The following ZRANB1 variants were observed in gnomAD, a reference collection of about 807,000 sequenced individuals.
ZRANB1 encodes the protein ubiquitin thioesterase ZRANB1.
Under a neutral mutation model 80.5 loss-of-function variants are expected in ZRANB1, and 16 were observed. The ratio of observed to expected loss-of-function variants is 0.20; its 90% confidence interval spans 0.13 to 0.30. ZRANB1 has a LOEUF of 0.30. Among genes scored for constraint, ZRANB1 ranks in the 10% least tolerant of loss-of-function variants. ZRANB1 has a pLI of 1.00. For missense variants in ZRANB1, 576 were observed against 862.6 expected, an observed-to-expected ratio of 0.67 and a Z score of 4.16; for synonymous variants, 291 against 293.1, an observed-to-expected ratio of 0.99 and a Z score of 0.07.
intron 1 of ZRANB1, among the ~76,000 whole-genome samples, chr10:124,964,540 A>G (rs575482775): frequency 6.6e-6 from 1 of 152,372 alleles, no homozygotes; most frequent in East Asian, 1.9e-4. Context: ...TCTTTGAGAA[A>G]TAAGAAATAA....
intron 1 of ZRANB1, among the ~76,000 whole-genome samples, chr10:124,963,537 GTTTTTTTTTTTTGTTTGTTTTTTTTTT>G (rs935756571): frequency 2.1e-5 from 2 of 93,476 alleles, no homozygotes; most frequent in East Asian, 3.0e-4. Context: ...ATATTGTAAG[GTTTTTTTTTTTTGTTTGTTTTTTTTTT>G]TTTTTTTTTT....
intron 1 of ZRANB1, among the ~76,000 whole-genome samples, chr10:124,948,108 C>G (rs892593713): frequency 6.6e-6 from 1 of 152,070 alleles, no homozygotes; most frequent in Non-Finnish European, 1.5e-5. Flanking sequence ...CCTGAGACAG[C>G]AAGAATAATG....
At chr10:124,919,109 A>G in the ZRANB1 span, among the ~76,000 whole-genome samples, 5 of 152,212 alleles carry the variant, frequency 3.3e-5, no homozygotes, top group African/African-American at 1.2e-4. Flanking sequence ...TGTCACATTT[A>G]AAGTCTGAGG....
chr10:124,917,181 TGCCGCCGCC>T, the ZRANB1 span: 2,169 of 168,474 alleles, frequency 0.013, 21 homozygotes, highest in Non-Finnish European at 0.018. Context: ...GAGTCGCCGC[TGCCGCCGCC>T]GCCGCCGCCG....
chr10:124,974,110 T>G, intron 4 of ZRANB1, 90 bp from the exon 5 acceptor site: 1 of 1,348,244 alleles, frequency 7.4e-7, no homozygotes, highest in Non-Finnish European at 1.0e-6. Flanking sequence ...TATAAACCAT[T>G]TTATAGCTAG....
At chr10:124,918,151 T>G in the ZRANB1 span, among the ~76,000 whole-genome samples, 3 of 152,344 alleles carry the variant, frequency 2.0e-5, no homozygotes, top group East Asian at 5.8e-4. Context: ...TTAATAAATC[T>G]AATGTGCAAA....
upstream of ZRANB1, chr10:124,940,531 TG>T (rs1427901883): frequency 7.8e-7 from 1 of 1,289,284 alleles, no homozygotes; most frequent in East Asian, 5.5e-5. Flanking sequence ...GGTTATAGCG[TG>T]GGAACTAAAA....
chr10:124,974,058 T>C, intron 4 of ZRANB1, 142 bp from the exon 5 acceptor site: 1 of 728,918 alleles, frequency 1.4e-6, no homozygotes, highest in Non-Finnish European at 2.2e-6. Context: ...AGTTTATATT[T>C]CAATTGGTCA....
chr10:124,930,098 A>C, the ZRANB1 span, among the ~76,000 whole-genome samples: 1 of 152,184 alleles, frequency 6.6e-6, no homozygotes, highest in Non-Finnish European at 1.5e-5. Context: ...TGGGTTTTGA[A>C]GTGATCAGTT....
rs1952082832 is a variant in ZRANB1 at position 124,987,457 on chromosome 10, T to TGACTC, written c.*2466_*2470dup. The TGACTC allele has an allele frequency of 6.6e-6, 1 of 152,190 alleles. No individual in the cohort carries two copies. Among genetic ancestry groups the TGACTC allele is most frequent in the Non-Finnish European group, 1.5e-5 (1 of 68,028 alleles). The allele number at this position is 152,190 out of a possible 1,614,324, so 9.4% of individuals were successfully genotyped here. ...ATTCAGACCTGCCTTTTTATGTTTTTGACTCTTAGGTTCATCGTGTCCCAG... is the reference window on the plus strand; with the variant it reads ...ATTCAGACCTGCCTTTTTATGTTTTTGACTCGACTCTTAGGTTCATCGTGTCCCAG... On this transcript the variant is annotated 3_prime_UTR_variant, in exon 9 of 9. Transcript: ENST00000359653.
the ZRANB1 span, among the ~76,000 whole-genome samples, chr10:124,935,659 G>T: frequency 6.6e-6 from 1 of 152,204 alleles, no homozygotes. Flanking sequence ...TGCCTGTTCA[G>T]TTGCTGCCAT....
chr10:124,936,351 G>A, the ZRANB1 span, among the ~76,000 whole-genome samples: 2 of 152,212 alleles, frequency 1.3e-5, no homozygotes, highest in Non-Finnish European at 2.9e-5. Flanking sequence ...TGAGAAGACA[G>A]TAATTAGATA....
At chr10:124,938,929 C>T (rs1951511534), upstream of ZRANB1, among the ~76,000 whole-genome samples, 1 of 151,960 alleles carries the variant, frequency 6.6e-6, no homozygotes, top group South Asian at 2.1e-4. Flanking sequence ...GTAATGCCAG[C>T]TCTTTGGGAC....
At chr10:124,948,099 CT>C (rs1231455694) in intron 1 of ZRANB1, among the ~76,000 whole-genome samples, 2 of 152,156 alleles carry the variant, frequency 1.3e-5, no homozygotes, top group African/African-American at 4.8e-5. Flanking sequence ...TCTGCCACCC[CT>C]GAGACAGCAA....
At chr10:124,924,165 A>G in the ZRANB1 span, among the ~76,000 whole-genome samples, 9,490 of 151,918 alleles carry the variant, frequency 0.062, 449 homozygotes, top group East Asian at 0.21. Context: ...TGGCCTCCCA[A>G]AGTGCTGGGA....
chr10:124,940,511 G>A, upstream of ZRANB1: 2 of 1,289,180 alleles, frequency 1.6e-6, no homozygotes, highest in South Asian at 1.2e-5. Context: ...CTAATCATGT[G>A]CAAGGTGGAG....
In ZRANB1 at chr10:124,983,734, C is replaced by A; in HGVS notation, c.1908+46C>A. 7.0e-7 allele frequency: 1 copy of A among 1,436,256 alleles called. No individual in the cohort carries two copies. The highest frequency in any genetic ancestry group is 9.5e-7 in the Non-Finnish European group (1 of 1,051,126). 89.0% of individuals were successfully genotyped at this position (1,436,256 alleles called of 1,614,324 possible). On this transcript the variant is annotated intron_variant, in intron 8 of 8. Coordinates refer to ENST00000359653, the MANE Select transcript of ZRANB1 (RefSeq NM_017580.3). This position sits in a 1 kb window ranked among gnomAD's most constrained non-coding sequence, Gnocchi z 6.2. ...ACTATTTCTAGTAGTGACCTTGTAC[C>A]AGAAACAGCCTGAAGTGCCTTTCAG...
intron 1 of ZRANB1, among the ~76,000 whole-genome samples, chr10:124,955,460 C>T (rs112908207): frequency 2.6e-5 from 4 of 152,206 alleles, no homozygotes; most frequent in African/African-American, 9.6e-5. Context: ...GTCTTTTGGC[C>T]TGCATCCGTA....
At chr10:124,971,527 G>C (rs1951825320) in intron 2 of ZRANB1, among the ~76,000 whole-genome samples, 1 of 152,150 alleles carries the variant, frequency 6.6e-6, no homozygotes, top group Admixed American at 6.5e-5. Flanking sequence ...GTCCAAGTTA[G>C]GGTACTTGAA....
Sources: allele counts gnomAD v4.1 joint callset (sites outside exome capture counted in the v4.1 genomes callset), GRCh38; gene constraint gnomAD v4.1.1; non-coding constraint Gnocchi (gnomAD v3.1); transcripts MANE v1.5; gene names NCBI Gene and HGNC (gene_info 2026-07-23, HGNC 2026-07-21).